Variants in SLC16A2 observed in about 807,000 individuals in gnomAD.
The protein encoded by SLC16A2 is solute carrier family 16 member 2.
A neutral mutation model predicts 27.2 loss-of-function variants in SLC16A2; 3 were observed. The observed-to-expected ratio is 0.11, with a 90% CI of 0.05 to 0.28. The LOEUF is 0.28. SLC16A2 is among the 10% of genes least tolerant of loss of function. The probability of loss-of-function intolerance (pLI) is 1.00; values close to 1 mark genes in which losing one functional copy is unlikely to be tolerated. For synonymous variants in SLC16A2, 202 were observed against 187.8 expected, an observed-to-expected ratio of 1.08 and a Z score of -0.62; for missense variants, 295 against 458.5, an observed-to-expected ratio of 0.64 and a Z score of 3.26.
At chrX:74,510,342 T>A (rs966723685) in intron 1 of SLC16A2, among the ~76,000 whole-genome samples, 13 of 111,287 alleles carry the variant, frequency 1.2e-4, no homozygotes, top group African/African-American at 4.3e-4. Flanking sequence ...ATGAGGAAAC[T>A]GTTTCAAGTC....
rs888801026 is a variant in SLC16A2, at chrX:74,421,711, C to G, written c.74C>G (p.Pro25Arg). The G allele has an allele frequency of 1.7e-6, 2 of 1,181,037 alleles. No homozygotes were observed. The highest frequency in any genetic ancestry group is 1.8e-5 in the South Asian group (1 of 54,173). Reference protein sequence around the residue: ...WQEADQEQQEPVGSPEPESEP... With the variant: ...WQEADQEQQERVGSPEPESEP... ...GAGGCAGACCAGGAACAGCAGGAGC[C>G]GGTGGGTAGCCCAGAGCCGGAGTCT... Residue 25 changes from proline to arginine, a missense_variant, in exon 1 of 6, where the codon CCG becomes CGG. This residue lies in a region of SLC16A2 where 92 missense variants were observed against 85.1 expected (regional missense o/e 1.08). Coordinates refer to ENST00000587091, the MANE Select transcript of SLC16A2 (RefSeq NM_006517.5).
intron 1 of SLC16A2, among the ~76,000 whole-genome samples, chrX:74,509,239 G>T (rs1213522299): frequency 9.0e-6 from 1 of 110,919 alleles, no homozygotes; most frequent in African/African-American, 3.3e-5. Flanking sequence ...GCTGGGATTA[G>T]AGGTGTGACC....
chrX:74,473,052 C>G, intron 1 of SLC16A2: 2 of 522,889 alleles, frequency 3.8e-6, no homozygotes, highest in Non-Finnish European at 6.9e-6. Flanking sequence ...ACTGCTACTA[C>G]TGGAACCATC....
intron 1 of SLC16A2, among the ~76,000 whole-genome samples, chrX:74,435,559 T>A (rs1401929844): frequency 2.3e-4 from 3 of 12,827 alleles, no homozygotes; most frequent in African/African-American, 4.6e-4. Flanking sequence ...ATATATTTTT[T>A]TTTTTTTTAG....
Position 74,422,013 on chromosome X carries a change from T to G in SLC16A2, c.376T>G (p.Ser126Ala). 8.3e-7 allele frequency: 1 copy of G among 1,210,084 alleles called. No individual in the cohort carries two copies. The highest frequency in any genetic ancestry group is 1.1e-6 in the Non-Finnish European group (1 of 895,152). ...CCATAACTCTGTCGGGATCCTCTAC[T>G]CCATGCTGCTAGAGGAGGAAAAGGA... The part of the protein sequence containing the change: ...GIHNSVGILY[S>A]MLLEEEKEKN... Residue 126 changes from serine (S) to alanine (A), a missense_variant, in exon 1 of 6, where the codon TCC becomes GCC. Around this residue, in one of 3 missense-constraint regions of SLC16A2, gnomAD observed 59 missense variants for 153.6 expected, o/e 0.38. Coordinates refer to ENST00000587091, the MANE Select transcript of SLC16A2 (RefSeq NM_006517.5).
At chrX:74,527,371 T>A (rs1351783249) in intron 4 of SLC16A2, among the ~76,000 whole-genome samples, 1 of 112,657 alleles carries the variant, frequency 8.9e-6, no homozygotes, top group Non-Finnish European at 1.9e-5. Flanking sequence ...TGGATGAACT[T>A]CTTTCTCTTG....
chrX:74,446,501 G>T (rs918074806), intron 1 of SLC16A2, among the ~76,000 whole-genome samples: 1 of 111,453 alleles, frequency 9.0e-6, no homozygotes, highest in Non-Finnish European at 1.9e-5. Flanking sequence ...CACGCCTGTA[G>T]TTCCACCTAC....
intron 1 of SLC16A2, among the ~76,000 whole-genome samples, chrX:74,479,488 A>G (rs781137894): frequency 3.6e-5 from 4 of 112,360 alleles, no homozygotes; most frequent in East Asian, 2.8e-4. Context: ...TCAACTCGTC[A>G]AAGTCATTCT....
At chrX:74,529,173 C>T in intron 4 of SLC16A2, 40 bp from the exon 5 acceptor site, 1 of 1,022,333 alleles carries the variant, frequency 9.8e-7, no homozygotes, top group Non-Finnish European at 1.4e-6. Context: ...GTGGTCTTGG[C>T]TGGCCAGCAC....
At chrX:74,485,046 G>A (rs981782462) in intron 1 of SLC16A2, among the ~76,000 whole-genome samples, 3 of 110,526 alleles carry the variant, frequency 2.7e-5, no homozygotes, top group East Asian at 2.8e-4. Flanking sequence ...GAGAAACCTC[G>A]TCTCTACTAA....
intron 1 of SLC16A2, among the ~76,000 whole-genome samples, chrX:74,514,204 A>C (rs1015077900): frequency 1.5e-4 from 16 of 108,788 alleles, no homozygotes; most frequent in African/African-American, 5.4e-4. Flanking sequence ...TTTGCTTCAC[A>C]TATCTTAGAC....
rs750251599 is a variant in SLC16A2 at position 74,429,706 on chromosome X, G to C, written c.430+7639G>C. 4.5e-5 allele frequency among the ~76,000 whole-genome samples: 5 copies of C among 112,252 alleles called. No homozygotes were observed. In the South Asian group the frequency reaches 1.9e-3, roughly 42 times the overall value. On this transcript the variant is annotated intron_variant, in intron 1 of 5. Transcript: ENST00000587091. Reference sequence around the variant, plus strand: ...CATGTGTCCAGACCTATGTGTATGTGTGTACAGCAGGGTGTGTGATGTCTG... The same window carrying C: ...CATGTGTCCAGACCTATGTGTATGTCTGTACAGCAGGGTGTGTGATGTCTG...
intron 1 of SLC16A2, among the ~76,000 whole-genome samples, chrX:74,441,829 C>T (rs1449918799): frequency 9.0e-6 from 1 of 111,381 alleles, no homozygotes; most frequent in Non-Finnish European, 1.9e-5. Flanking sequence ...AAGCCTCCCC[C>T]TCACCCCCAG....
Position 74,421,516 on chromosome X carries a change from G to A in SLC16A2, c.-122G>A, listed in dbSNP as rs1183938288. 1 of 956,787 alleles carries A rather than the reference G, an allele frequency of 1.0e-6. No homozygotes were observed. Among genetic ancestry groups the A allele is most frequent in the African/African-American group, 1.9e-5 (1 of 51,640 alleles). The allele number at this position is 956,787 out of a possible 1,213,427, so 78.8% of individuals were successfully genotyped here. On this transcript the variant is annotated 5_prime_UTR_variant, in exon 1 of 6. Coordinates refer to ENST00000587091, the MANE Select transcript of SLC16A2 (RefSeq NM_006517.5). ...CTGGCCAGCTGGGGCGCGGAGCCTGGAGGAGGAGGCAGCGGCAGCGGCAGC... is the reference window on the plus strand; with the variant it reads ...CTGGCCAGCTGGGGCGCGGAGCCTGAAGGAGGAGGCAGCGGCAGCGGCAGC...
intron 1 of SLC16A2, among the ~76,000 whole-genome samples, chrX:74,500,924 G>T (rs1224252203): frequency 9.1e-6 from 1 of 109,980 alleles, no homozygotes; most frequent in Non-Finnish European, 1.9e-5. Flanking sequence ...AAAATTAAAA[G>T]TCCTTCTCAA....
At chrX:74,448,823 A>G (rs1928886097) in intron 1 of SLC16A2, among the ~76,000 whole-genome samples, 2 of 109,341 alleles carry the variant, frequency 1.8e-5, no homozygotes, top group Admixed American at 1.9e-4. Flanking sequence ...TTTGGGCGTC[A>G]TTCCCATTAC....
intron 1 of SLC16A2, among the ~76,000 whole-genome samples, chrX:74,496,082 C>A (rs1453497987): frequency 3.6e-5 from 4 of 111,696 alleles, no homozygotes. Flanking sequence ...CCAGGAAACA[C>A]AGAGCTGGAG....
chrX:74,509,450 G>T (rs1930190415), intron 1 of SLC16A2, among the ~76,000 whole-genome samples: 3 of 111,987 alleles, frequency 2.7e-5, no homozygotes, highest in African/African-American at 9.7e-5. Context: ...TGGTTGAGAT[G>T]ATTATATATA....
intron 1 of SLC16A2, 96 bp downstream of exon 1, chrX:74,422,163 A>G: frequency 1.1e-6 from 1 of 870,103 alleles, no homozygotes; most frequent in Non-Finnish European, 1.7e-6. Context: ...GCGCCCCTCC[A>G]ACGCGCCTCT....
Sources: gnomAD v4.1 joint callset for allele counts (sites outside exome capture counted in the v4.1 genomes callset) on GRCh38, gnomAD v4.1.1 for gene constraint, gnomAD v4.1.1 regional missense constraint, MANE v1.5 for transcripts, NCBI Gene and HGNC (gene_info 2026-07-23, HGNC 2026-07-21) for gene names.